The following ATRN variants were observed in gnomAD, a reference collection of about 807,000 sequenced individuals.
ATRN encodes the protein attractin-2.
A neutral mutation model predicts 178.7 loss-of-function variants in ATRN; 54 were observed. That is an observed-to-expected ratio of 0.30 (90% CI 0.24 to 0.38). ATRN has a LOEUF of 0.38. Ranked by LOEUF, ATRN falls within the 10% of genes least tolerant of loss-of-function variation. The probability of loss-of-function intolerance (pLI) is 1.00; values close to 1 mark genes in which losing one functional copy is unlikely to be tolerated. For missense variants in ATRN, 1,443 were observed against 1,815.1 expected (o/e 0.79, Z 3.73); for synonymous variants, 636 against 663.0 (o/e 0.96, Z 0.63).
intron 11 of ATRN, among the ~76,000 whole-genome samples, chr20:3,565,796 C>CAAAAAA (rs10582104): frequency 1.0e-5 from 1 of 100,244 alleles, no homozygotes; most frequent in Non-Finnish European, 2.0e-5. Context: ...GACTCTGTCT[C>CAAAAAA]AAAAAAAAAA....
intron 1 of ATRN, among the ~76,000 whole-genome samples, chr20:3,474,666 C>T (rs1024142855): frequency 6.6e-6 from 1 of 151,170 alleles, no homozygotes; most frequent in Admixed American, 6.6e-5. Flanking sequence ...GAGATCGCAC[C>T]ACTGCACTCC....
chr20:3,571,604 C>G (rs1371294526), intron 11 of ATRN, among the ~76,000 whole-genome samples: 1 of 150,594 alleles, frequency 6.6e-6, no homozygotes, highest in Non-Finnish European at 1.5e-5. Context: ...GAAATGCTAC[C>G]TCAGTATAGT....
chr20:3,532,711 G>A (rs1162152457), intron 1 of ATRN, among the ~76,000 whole-genome samples: 1 of 152,082 alleles, frequency 6.6e-6, no homozygotes, highest in Non-Finnish European at 1.5e-5. Context: ...AACTGTGGGG[G>A]CAGGATTGCT....
At chr20:3,605,930 G>GT (rs59934919) in intron 24 of ATRN, among the ~76,000 whole-genome samples, 3,190 of 152,216 alleles carry the variant, frequency 0.021, 115 homozygotes, top group African/African-American at 0.072. Context: ...AAAAAAGCAA[G>GT]TTATCACTCA....
chr20:3,532,198 T>C (rs191989114), intron 1 of ATRN, among the ~76,000 whole-genome samples: 293 of 152,292 alleles, frequency 1.9e-3, no homozygotes, highest in Non-Finnish European at 3.0e-3. Context: ...AACCTAAGTG[T>C]TCACGTGAAG....
intron 8 of ATRN, 81 bp downstream of exon 8, chr20:3,560,986 A>G (rs235577): frequency 0.82 from 1,237,662 of 1,514,376 alleles, 508,435 homozygotes; most frequent in East Asian, 1. Context: ...TGTTTAGAAA[A>G]GTTCAACCTA....
chr20:3,542,361 A>G (rs928642532), intron 3 of ATRN, among the ~76,000 whole-genome samples: 3 of 152,200 alleles, frequency 2.0e-5, no homozygotes, highest in Non-Finnish European at 2.9e-5. Context: ...CCAAGCAGGT[A>G]TACATCACTC....
At chr20:3,567,874 C>A (rs1441995428) in intron 11 of ATRN, among the ~76,000 whole-genome samples, 2 of 152,170 alleles carry the variant, frequency 1.3e-5, no homozygotes, top group African/African-American at 2.4e-5. Context: ...CAGATGGATT[C>A]ACAATTGCTG....
intron 1 of ATRN, among the ~76,000 whole-genome samples, chr20:3,502,485 C>T (rs1481021300): frequency 6.6e-6 from 1 of 152,176 alleles, no homozygotes; most frequent in Non-Finnish European, 1.5e-5. Context: ...CTGACCCTCC[C>T]ACCTAGCAAC....
intron 5 of ATRN, among the ~76,000 whole-genome samples, chr20:3,548,902 T>C (rs1218980367): frequency 6.6e-6 from 1 of 152,186 alleles, no homozygotes; most frequent in Non-Finnish European, 1.5e-5. Flanking sequence ...TTATCTGTGC[T>C]TTCTCCTGAG....
chr20:3,480,715 T>C (rs1222279252), intron 1 of ATRN, among the ~76,000 whole-genome samples: 1 of 152,202 alleles, frequency 6.6e-6, no homozygotes, highest in African/African-American at 2.4e-5. Flanking sequence ...AGATGCTTTT[T>C]ATTTACCGCA....
At chr20:3,492,168 A>AGAGTGTGT (rs1555807807) in intron 1 of ATRN, among the ~76,000 whole-genome samples, 4 of 140,588 alleles carry the variant, frequency 2.8e-5, no homozygotes, top group African/African-American at 1.1e-4. Flanking sequence ...TAGATAGGGG[A>AGAGTGTGT]GTGTGTGTGT....
chr20:3,540,470 C>A, intron 3 of ATRN, 135 bp downstream of exon 3: 2 of 597,876 alleles, frequency 3.3e-6, no homozygotes, highest in Admixed American at 3.1e-5. Flanking sequence ...ACTAGTTCTT[C>A]AGTCCCATCA....
In ATRN at chr20:3,508,632, A is replaced by G. The variant is rs569810737; in HGVS notation, c.411-26621A>G. On this transcript the variant is annotated intron_variant, in intron 1 of 28. Coordinates refer to ENST00000262919, the MANE Select transcript of ATRN (RefSeq NM_139321.3). ...GGGGATTAATCACCGGCAGCCTTAC[A>G]GTAAAGGGAGTTCCGTAAGCAGAGG... Among the ~76,000 whole-genome samples, 7 of 152,370 alleles carry G rather than the reference A, an allele frequency of 4.6e-5. No individual in the cohort carries two copies. The South Asian group carries it at 1.4e-3, about 32-fold the overall frequency.
chr20:3,476,023 T>C (rs2084524636), intron 1 of ATRN, among the ~76,000 whole-genome samples: 1 of 152,196 alleles, frequency 6.6e-6, no homozygotes, highest in Non-Finnish European at 1.5e-5. Flanking sequence ...CATGTGCCTG[T>C]GGTCCCAGCT....
chr20:3,642,508 C>T (rs1327702822), intron 27 of ATRN, among the ~76,000 whole-genome samples: 2 of 152,196 alleles, frequency 1.3e-5, no homozygotes, highest in East Asian at 1.9e-4. Flanking sequence ...ATCTTGACTC[C>T]GTATTCAAAA....
At chr20:3,596,268 T>C in intron 20 of ATRN, 109 bp from the exon 21 acceptor site, 1 of 1,161,252 alleles carries the variant, frequency 8.6e-7, no homozygotes, top group South Asian at 1.4e-5. Context: ...GATGCAATTA[T>C]AATGGCTCCA....
intron 1 of ATRN, among the ~76,000 whole-genome samples, chr20:3,480,361 T>G (rs1309009198): frequency 6.6e-6 from 1 of 152,202 alleles, no homozygotes; most frequent in Non-Finnish European, 1.5e-5. Flanking sequence ...GAGGCCATAA[T>G]GCCTAGAACT....
chr20:3,549,450 C>T, intron 6 of ATRN, 112 bp downstream of exon 6: 1 of 956,284 alleles, frequency 1.0e-6, no homozygotes, highest in South Asian at 2.4e-5. Context: ...AAAGAAAATC[C>T]CTGTTAATAT....
Sources: allele counts gnomAD v4.1 joint callset (sites outside exome capture counted in the v4.1 genomes callset), GRCh38; gene constraint gnomAD v4.1.1; transcripts MANE v1.5; gene names NCBI Gene and HGNC (gene_info 2026-07-23, HGNC 2026-07-21).